The following DHRS7B variants were observed in gnomAD, a reference collection of about 807,000 sequenced individuals.
DHRS7B encodes the protein peroxisomal reductase activating PPAR-gamma.
Under a neutral mutation model 26.4 loss-of-function variants are expected in DHRS7B, and 24 were observed. The ratio of observed to expected loss-of-function variants is 0.91; its 90% confidence interval spans 0.66 to 1.28. The LOEUF is 1.28. Among genes scored for constraint, DHRS7B ranks in the 50% most tolerant of loss-of-function variants. The probability of loss-of-function intolerance (pLI) is 0.00; values close to 1 mark genes in which losing one functional copy is unlikely to be tolerated. For synonymous variants in DHRS7B, 142 were observed against 166.4 expected, an observed-to-expected ratio of 0.85 and a Z score of 1.13; for missense variants, 368 against 419.4, an observed-to-expected ratio of 0.88 and a Z score of 1.07.
At chr17:21,160,531 C>T (rs1567622976) in intron 1 of DHRS7B, among the ~76,000 whole-genome samples, 2 of 152,054 alleles carry the variant, frequency 1.3e-5, no homozygotes, top group Non-Finnish European at 1.5e-5. Context: ...TGAGATACCA[C>T]CACTAAATAG....
chr17:21,145,516 G>A (rs546010271), intron 1 of DHRS7B, among the ~76,000 whole-genome samples: 6 of 152,240 alleles, frequency 3.9e-5, no homozygotes, highest in African/African-American at 1.4e-4. Context: ...TTAATGAAAA[G>A]GGGAATTTTA....
intron 3 of DHRS7B, among the ~76,000 whole-genome samples, chr17:21,179,714 GAT>G (rs1974470047): frequency 6.6e-6 from 1 of 151,552 alleles, no homozygotes; most frequent in Admixed American, 6.6e-5. Flanking sequence ...TCCCTTATAA[GAT>G]ATGTGATTTG....
intron 1 of DHRS7B, chr17:21,168,602 G>C (rs762027501): frequency 8.3e-5 from 39 of 468,770 alleles, no homozygotes; most frequent in Non-Finnish European, 1.0e-4. Context: ...TTCCCAGGCT[G>C]AAGCGATCCC....
intron 1 of DHRS7B, among the ~76,000 whole-genome samples, chr17:21,154,246 G>T (rs1215528985): frequency 6.6e-6 from 1 of 152,078 alleles, no homozygotes; most frequent in Non-Finnish European, 1.5e-5. Context: ...GGAGGTGGAG[G>T]CTGCAGTGAG....
At chr17:21,138,123 C>CACACACACACACACACAT (rs1973402746) in intron 1 of DHRS7B, among the ~76,000 whole-genome samples, 1 of 141,778 alleles carries the variant, frequency 7.1e-6, no homozygotes, top group East Asian at 2.0e-4. Context: ...CACACACACA[C>CACACACACACACACACAT]ACACACACAT....
At chr17:21,142,100 G>C (rs1353906266) in intron 1 of DHRS7B, among the ~76,000 whole-genome samples, 1 of 152,094 alleles carries the variant, frequency 6.6e-6, no homozygotes, top group Non-Finnish European at 1.5e-5. Flanking sequence ...TGGGAGCATC[G>C]GCAGGCTAGT....
chr17:21,184,812 T>G (rs1974595370), intron 5 of DHRS7B, among the ~76,000 whole-genome samples: 1 of 152,208 alleles, frequency 6.6e-6, no homozygotes, highest in Admixed American at 6.5e-5. Context: ...CTGTTAAGAT[T>G]TTTAGCTTGT....
At chr17:21,177,438 TG>T (rs1974406390) in intron 2 of DHRS7B, among the ~76,000 whole-genome samples, 1 of 152,248 alleles carries the variant, frequency 6.6e-6, no homozygotes, top group African/African-American at 2.4e-5. Flanking sequence ...AGCTTTGGAC[TG>T]TCCCTGCTGT....
At chr17:21,158,362 G>C (rs933108448) in intron 1 of DHRS7B, among the ~76,000 whole-genome samples, 4 of 152,206 alleles carry the variant, frequency 2.6e-5, no homozygotes, top group African/African-American at 9.7e-5. Flanking sequence ...TTTGTTCACA[G>C]ATGGCAATCA....
In DHRS7B at chr17:21,183,952, TG is replaced by T. The variant is rs1974572453; in HGVS notation, c.526+145del. The T allele has an allele frequency of 1.2e-5, 9 of 730,184 alleles. No homozygotes were observed. The Admixed American group carries it at 2.1e-4, about 17-fold the overall frequency. The allele number at this position is 730,184 out of a possible 1,614,324, so 45.2% of individuals were successfully genotyped here. A position where few individuals can be genotyped will look rare whatever the true frequency, so the allele number is the denominator to read the frequency against. ...GGTGTTAGGTGTTATTGTTACAGTTTGGGTATTTGCTTTATAGCTTCCAATC... is the reference window on the plus strand; with the variant it reads ...GGTGTTAGGTGTTATTGTTACAGTTTGGTATTTGCTTTATAGCTTCCAATC... On this transcript the variant is annotated intron_variant, in intron 4 of 6. Transcript: ENST00000395511.
At chr17:21,178,442 C>A in intron 3 of DHRS7B, 100 bp downstream of exon 3, 2 of 944,620 alleles carry the variant, frequency 2.1e-6, no homozygotes, top group Non-Finnish European at 1.6e-6. Context: ...AGCTGTAGGA[C>A]ATCCATGCGT....
intron 2 of DHRS7B, among the ~76,000 whole-genome samples, chr17:21,175,092 G>T (rs969272715): frequency 6.6e-6 from 1 of 152,192 alleles, no homozygotes; most frequent in Non-Finnish European, 1.5e-5. Flanking sequence ...CCTCTTTCCC[G>T]AAGACTGTCG....
intron 1 of DHRS7B, among the ~76,000 whole-genome samples, chr17:21,164,737 A>G (rs1325725884): frequency 6.6e-6 from 1 of 152,172 alleles, no homozygotes; most frequent in African/African-American, 2.4e-5. Context: ...GGCTGCCTCC[A>G]TGAGGTCAGA....
At chr17:21,171,891 G>A (rs1333713947) in intron 1 of DHRS7B, 127 bp from the exon 2 acceptor site, 26 of 1,202,368 alleles carry the variant, frequency 2.2e-5, no homozygotes, top group Non-Finnish European at 3.1e-5. Context: ...GTCAATGCTT[G>A]CTAGGGCTTA....
At chr17:21,139,399 C>T (rs371196019) in intron 1 of DHRS7B, among the ~76,000 whole-genome samples, 5 of 152,160 alleles carry the variant, frequency 3.3e-5, no homozygotes, top group East Asian at 3.9e-4. Context: ...GATTAGGCCA[C>T]GCATGGTGGC....
intron 1 of DHRS7B, among the ~76,000 whole-genome samples, chr17:21,158,822 A>G (rs989926675): frequency 2.0e-5 from 3 of 152,196 alleles, no homozygotes; most frequent in Non-Finnish European, 4.4e-5. Flanking sequence ...CAGGACAGTG[A>G]TATTGGTGAA....
At chr17:21,169,538 G>C (rs1212614311) in intron 1 of DHRS7B, among the ~76,000 whole-genome samples, 1 of 152,156 alleles carries the variant, frequency 6.6e-6, no homozygotes, top group African/African-American at 2.4e-5. Context: ...AAGTGACTGG[G>C]CCAGGGTGTC....
intron 1 of DHRS7B, chr17:21,168,675 CT>C (rs1974167906): frequency 1.0e-6 from 1 of 982,002 alleles, no homozygotes; most frequent in African/African-American, 1.7e-5. Context: ...GGCCTTGGCA[CT>C]GGCTTTTAAT....
intron 1 of DHRS7B, among the ~76,000 whole-genome samples, chr17:21,141,621 A>AG (rs1485377848): frequency 7.5e-6 from 1 of 132,782 alleles, no homozygotes; most frequent in Non-Finnish European, 1.6e-5. Flanking sequence ...CAAGAAAGCA[A>AG]AAAAAAAAAA....
Sources: allele counts gnomAD v4.1 joint callset (sites outside exome capture counted in the v4.1 genomes callset), GRCh38; gene constraint gnomAD v4.1.1; transcripts MANE v1.5; gene names NCBI Gene and HGNC (gene_info 2026-07-23, HGNC 2026-07-21).